Variants in MIIP observed in about 807,000 individuals in gnomAD.
MIIP encodes migration and invasion inhibitory protein, also known as migration and invasion-inhibitory protein.
Under a neutral mutation model 44.8 loss-of-function variants are expected in MIIP, and 44 were observed. The observed-to-expected ratio is 0.98, with a 90% confidence interval of 0.77 to 1.26. MIIP has a LOEUF of 1.26. Among genes scored for constraint, MIIP ranks in the 50% most tolerant of loss-of-function variants. The pLI, the probability that MIIP is intolerant of heterozygous loss-of-function variation, is 0.00. For missense variants in MIIP, 496 were observed against 511.7 expected, an observed-to-expected ratio of 0.97 and a Z score of 0.30; for synonymous variants, 225 against 218.3, an observed-to-expected ratio of 1.03 and a Z score of -0.27.
At chr1:12,020,587 A>G (rs555251109) in intron 1 of MIIP, among the ~76,000 whole-genome samples, 1 of 152,294 alleles carries the variant, frequency 6.6e-6, no homozygotes, top group Non-Finnish European at 1.5e-5. Context: ...CACTCACTAC[A>G]ACCTCCGCCT....
chr1:12,019,940 C>T (rs1639934430), intron 1 of MIIP, among the ~76,000 whole-genome samples: 3 of 152,266 alleles, frequency 2.0e-5, no homozygotes, highest in Admixed American at 6.5e-5. Flanking sequence ...GTTGGCCCCT[C>T]TGGACTGCAT....
chr1:12,021,997 G>T (rs1639986532), intron 2 of MIIP, 98 bp from the exon 3 acceptor site: 10 of 1,407,310 alleles, frequency 7.1e-6, no homozygotes, highest in Non-Finnish European at 9.8e-6. Flanking sequence ...CACTGCTGAG[G>T]CCGGAGCAGG....
At position 12,031,870 on chromosome 1, in the gene MIIP, G is replaced by A. The variant is rs371013918; in HGVS notation, c.*62G>A. On this transcript the variant is annotated 3_prime_UTR_variant, in exon 10 of 10. Coordinates refer to ENST00000235332, the MANE Select transcript of MIIP (RefSeq NM_021933.4). ...CTCCAGCCTCTCCCCTCTGGCAGGC[G>A]CACCCAGGAGATGGAATCCCCTGCC... 6.6e-6 allele frequency: 10 copies of A among 1,513,464 alleles called. No homozygotes were observed. Among genetic ancestry groups the A allele is most frequent in the African/African-American group, 4.1e-5 (3 of 73,026 alleles). 93.8% of individuals were successfully genotyped at this position (1,513,464 alleles called of 1,614,324 possible).
Position 12,031,753 on chromosome 1 carries a change from C to T in MIIP, c.1112C>T (p.Pro371Leu), listed in dbSNP as rs147348221. 8.7e-5 allele frequency: 140 copies of T among 1,613,968 alleles called. No individual in the cohort carries two copies. The highest frequency in any genetic ancestry group is 4.2e-4 in the Admixed American group (25 of 59,988). The change falls in exon 10 of 10, where the codon CCG (proline) becomes CTG (leucine). Residue 371 changes from proline to leucine, a missense_variant. Pro to Leu is a moderately conservative substitution (Grantham distance 98, BLOSUM62 -3). Transcript: ENST00000235332. ...ASPMQMLPPT[P>L]TWSVPQVPRP... ...CCAATGCAGATGCTGCCCCCGACCC[C>T]GACCTGGTCAGTGCCCCAGGTCCCT...
intron 9 of MIIP, 118 bp downstream of exon 9, chr1:12,031,521 C>G: frequency 1.3e-6 from 2 of 1,561,516 alleles, no homozygotes; most frequent in African/African-American, 2.7e-5. Context: ...AGGATGGAGC[C>G]TGGGAGTGTC....
chr1:12,021,904 C>T (rs1639984468), intron 2 of MIIP, 64 bp downstream of exon 2: 3 of 1,397,252 alleles, frequency 2.1e-6, no homozygotes, highest in South Asian at 2.7e-5. Context: ...AGCATCCAGG[C>T]TTCTGGGCTC....
chr1:12,031,186 G>A (rs1640232644), intron 8 of MIIP, 80 bp from the exon 9 acceptor site: 3 of 1,507,510 alleles, frequency 2.0e-6, no homozygotes, highest in African/African-American at 2.8e-5. Flanking sequence ...GGGGGGCACA[G>A]TTCCTCCCTG....
At chr1:12,030,436 A>G (rs1299398860) in intron 8 of MIIP, among the ~76,000 whole-genome samples, 1 of 151,862 alleles carries the variant, frequency 6.6e-6, no homozygotes, top group Non-Finnish European at 1.5e-5. Flanking sequence ...CCCCCACAGC[A>G]GCCAGGAGTG....
rs1208989 is a variant in MIIP, at chr1:12,029,983, C to A, written c.846-45C>A. ...GATGGGCCTGGGCGTGGGCCCCCAA[C>A]CGCTGGGAGGCTCCTCAGGGGTCCC... On this transcript the variant is annotated intron_variant, in intron 7 of 9. Transcript: ENST00000235332. The A allele has an allele frequency of 8.6e-3, 13,774 of 1,609,858 alleles. 90 individuals carry two copies. Among genetic ancestry groups the A allele is most frequent in the Middle Eastern group, 0.027 (163 of 6,054 alleles).
intron 4 of MIIP, among the ~76,000 whole-genome samples, chr1:12,026,639 A>T (rs1640109510): frequency 6.6e-6 from 1 of 152,228 alleles, no homozygotes. Flanking sequence ...ATGAACGTGC[A>T]GGAAGCATTC....
In MIIP at chr1:12,021,855, T is replaced by G. The variant is rs557150071; in HGVS notation, c.114+15T>G. On this transcript the variant is annotated intron_variant, in intron 2 of 9. Transcript: ENST00000235332. ...CAGCCTCGGAGGTGCGTGCCCGCCT[T>G]GGGAACCCCAGAGGAAGGGGCTACC... is the stretch of plus-strand genomic sequence containing the variant. The G allele has an allele frequency of 2.8e-5, 44 of 1,584,388 alleles. No individual in the cohort carries two copies. In the East Asian group the frequency reaches 9.0e-4, roughly 32 times the overall value.
In MIIP at chr1:12,022,162, C is replaced by T. The variant is rs1379051497; in HGVS notation, c.182C>T (p.Ser61Phe). ...TPSTPETSSTSLSTSCPRGRS... is the reference protein window; with the variant it reads ...TPSTPETSSTFLSTSCPRGRS... ...TCGACCCCAGAGACGTCCTCAACTTCCTTGAGCACCTCCTGCCCACGGGGC... is the reference window on the plus strand; with the variant it reads ...TCGACCCCAGAGACGTCCTCAACTTTCTTGAGCACCTCCTGCCCACGGGGC... Residue 61 changes from serine (S) to phenylalanine (F), a missense_variant, in exon 3 of 10, where the codon TCC (serine) becomes TTC (phenylalanine). Ser to Phe is a radical substitution (Grantham distance 155, BLOSUM62 -2). Coordinates refer to ENST00000235332, the MANE Select transcript of MIIP (RefSeq NM_021933.4). 1.2e-6 allele frequency: 2 copies of T among 1,613,946 alleles called. No individual in the cohort carries two copies. Among genetic ancestry groups the T allele is most frequent in the African/African-American group, 1.3e-5 (1 of 74,954 alleles).
In MIIP at chr1:12,031,974, GGAGGACCCTGGGGTGGAGGGT is replaced by G; in HGVS notation, c.*171_*191del. 1.5e-6 allele frequency: 1 copy of G among 654,794 alleles called. No individual in the cohort carries two copies. Among genetic ancestry groups the G allele is most frequent in the South Asian group, 1.9e-5 (1 of 52,434 alleles). 40.6% of individuals were successfully genotyped at this position (654,794 alleles called of 1,614,324 possible). On this transcript the variant is annotated 3_prime_UTR_variant, in exon 10 of 10. Coordinates refer to ENST00000235332, the MANE Select transcript of MIIP (RefSeq NM_021933.4). ...TGTCTGCTGCCTGAGTTCCAGAGAG[GGAGGACCCTGGGGTGGAGGGT>G]GAGGGATTCTGTGGAAGTTTGTAAA... is the stretch of plus-strand genomic sequence containing the variant.
In MIIP at chr1:12,022,822, T is replaced by G. The variant is rs757496987; in HGVS notation, c.463-11T>G. ...GGCTTAGTCCTTGTCCCTCTGTGCT[T>G]CCTTCCTCAGCCCAGGGTGACCTTC... On this transcript the variant is annotated splice_polypyrimidine_tract_variant and intron_variant, in intron 3 of 9. Transcript: ENST00000235332. 6 of 1,597,090 alleles carry G rather than the reference T, an allele frequency of 3.8e-6. No individual in the cohort carries two copies. Among genetic ancestry groups the G allele is most frequent in the Non-Finnish European group, 5.1e-6 (6 of 1,170,166 alleles).
intron 4 of MIIP, among the ~76,000 whole-genome samples, chr1:12,028,173 C>A (rs1039348714): frequency 6.6e-6 from 1 of 152,204 alleles, no homozygotes. Context: ...CTCCACTGCA[C>A]TGCACCCTGG....
chr1:12,030,667 T>C (rs1640222758), intron 8 of MIIP, among the ~76,000 whole-genome samples: 1 of 146,636 alleles, frequency 6.8e-6, no homozygotes, highest in African/African-American at 2.5e-5. Context: ...CCCAGCTACT[T>C]GGGAGGCTGA....
intron 4 of MIIP, among the ~76,000 whole-genome samples, chr1:12,027,781 C>T (rs1640134563): frequency 6.6e-6 from 1 of 152,192 alleles, no homozygotes; most frequent in African/African-American, 2.4e-5. Context: ...AAATCAAGGT[C>T]CTGATTTCCA....
At chr1:12,029,174 G>T (rs770892886) in intron 5 of MIIP, 33 bp downstream of exon 5, 2 of 1,613,342 alleles carry the variant, frequency 1.2e-6, no homozygotes, top group Admixed American at 3.3e-5. Context: ...GGGCGAGGGC[G>T]GCTGAGCGGC....
chr1:12,031,861 C>T lies in MIIP; in HGVS notation c.*53C>T, dbSNP rs1044117. 3 of 1,541,600 alleles carry T rather than the reference C, an allele frequency of 1.9e-6. No individual in the cohort carries two copies. Among genetic ancestry groups the T allele is most frequent in the African/African-American group, 2.7e-5 (2 of 73,672 alleles). ...TCCCGCCGCCTCCAGCCTCTCCCCTCTGGCAGGCGCACCCAGGAGATGGAA... is the reference window on the plus strand; with the variant it reads ...TCCCGCCGCCTCCAGCCTCTCCCCTTTGGCAGGCGCACCCAGGAGATGGAA... On this transcript the variant is annotated 3_prime_UTR_variant, in exon 10 of 10. Transcript: ENST00000235332.
Sources: allele counts gnomAD v4.1 joint callset (sites outside exome capture counted in the v4.1 genomes callset), GRCh38; gene constraint gnomAD v4.1.1; transcripts MANE v1.5; gene names NCBI Gene and HGNC (gene_info 2026-07-23, HGNC 2026-07-21).